SYTL3: variants seen among roughly 807,000 people sequenced by gnomAD.
The protein encoded by SYTL3 is synaptotagmin-like protein 3.
A neutral mutation model predicts 82.1 loss-of-function variants in SYTL3; 88 were observed. The ratio of observed to expected loss-of-function variants is 1.07; its 90% CI spans 0.90 to 1.28. SYTL3 has a LOEUF of 1.28. Ranked by LOEUF, SYTL3 falls within the 50% of genes most tolerant of loss-of-function variation. The pLI, the probability that SYTL3 is intolerant of heterozygous loss-of-function variation, is 0.00. For missense variants in SYTL3, 831 were observed against 757.6 expected (o/e 1.10, Z -1.14); for synonymous variants, 311 against 289.4 (o/e 1.07, Z -0.76).
At chr6:158,692,660 G>A (rs1331426438) in intron 6 of SYTL3, among the ~76,000 whole-genome samples, 2 of 151,766 alleles carry the variant, frequency 1.3e-5, no homozygotes, top group Non-Finnish European at 2.9e-5. Context: ...GTGCCAGGCC[G>A]GGCGCGGTGG....
intron 9 of SYTL3, 124 bp from the exon 10 acceptor site, chr6:158,717,963 C>A: frequency 1.2e-6 from 1 of 847,744 alleles, no homozygotes; most frequent in Non-Finnish European, 1.7e-6. Flanking sequence ...CTCCTCCGTG[C>A]ACTTTGCCCT....
chr6:158,732,471 C>G lies in SYTL3; in HGVS notation c.855+6834C>G, dbSNP rs116501881. On this transcript the variant is annotated intron_variant, in intron 11 of 17. Transcript: ENST00000611299. ...CGGTAGGCCAGAGGCCCAGCTTGTC[C>G]CCTTTCCACTCGGACAGTCCTCTAA... 9.0e-3 allele frequency among the ~76,000 whole-genome samples: 1,368 copies of G among 152,348 alleles called. 13 individuals carry two copies. Among genetic ancestry groups the G allele is most frequent in the African/African-American group, 0.03 (1,262 of 41,580 alleles).
intron 6 of SYTL3, among the ~76,000 whole-genome samples, chr6:158,686,997 A>G (rs1461871877): frequency 6.6e-6 from 1 of 152,178 alleles, no homozygotes; most frequent in Non-Finnish European, 1.5e-5. Flanking sequence ...TTTTGTTGTC[A>G]TGGTACCGGC....
intron 2 of SYTL3, among the ~76,000 whole-genome samples, chr6:158,652,615 G>C (rs1788164066): frequency 6.6e-6 from 1 of 152,068 alleles, no homozygotes; most frequent in South Asian, 2.1e-4. Context: ...CGCGATCTCA[G>C]CTCACTGCAA....
chr6:158,703,976 C>T (rs976866055), intron 6 of SYTL3, among the ~76,000 whole-genome samples: 1 of 151,698 alleles, frequency 6.6e-6, no homozygotes, highest in African/African-American at 2.4e-5. Flanking sequence ...CGTGTGACCT[C>T]ATGCCCGGCT....
intron 4 of SYTL3, among the ~76,000 whole-genome samples, chr6:158,665,099 G>A (rs1218875986): frequency 3.3e-5 from 5 of 152,200 alleles, no homozygotes; most frequent in African/African-American, 1.2e-4. Flanking sequence ...AGGAAGGGAT[G>A]GACCTAGCAG....
chr6:158,702,706 T>C (rs1267279186), intron 6 of SYTL3, among the ~76,000 whole-genome samples: 2 of 151,998 alleles, frequency 1.3e-5, no homozygotes, highest in Non-Finnish European at 2.9e-5. Context: ...TTTGGTCTTG[T>C]CCCCACCCGC....
At chr6:158,691,893 G>A (rs200659544) in intron 6 of SYTL3, among the ~76,000 whole-genome samples, 2 of 149,664 alleles carry the variant, frequency 1.3e-5, no homozygotes, top group Admixed American at 6.7e-5. Flanking sequence ...CCTCGTGATC[G>A]GCCCGCCTCG....
chr6:158,723,487 T>C (rs1326782629), intron 10 of SYTL3, among the ~76,000 whole-genome samples: 3 of 152,170 alleles, frequency 2.0e-5, no homozygotes, highest in Admixed American at 1.3e-4. Flanking sequence ...TCCAGCACTC[T>C]TGCCAACATT....
intron 14 of SYTL3, among the ~76,000 whole-genome samples, chr6:158,759,128 G>T (rs879816662): frequency 4.0e-4 from 61 of 152,346 alleles, no homozygotes; most frequent in Admixed American, 1.4e-3. Context: ...AACAAGCACA[G>T]GGCTTGGCAT....
At chr6:158,663,622 G>A (rs1158450713) in intron 4 of SYTL3, 24 of 985,142 alleles carry the variant, frequency 2.4e-5, no homozygotes, top group Middle Eastern at 5.2e-4. Context: ...GGTGCCTTTG[G>A]GCGGTAAGTT....
chr6:158,750,468 A>G (rs1258321996), intron 12 of SYTL3, among the ~76,000 whole-genome samples: 2 of 152,198 alleles, frequency 1.3e-5, no homozygotes, highest in Admixed American at 6.5e-5. Context: ...TCAGTAACTT[A>G]AGAGTAAATG....
At chr6:158,679,224 G>C (rs1025556728) in intron 5 of SYTL3, among the ~76,000 whole-genome samples, 3 of 152,086 alleles carry the variant, frequency 2.0e-5, no homozygotes, top group African/African-American at 7.2e-5. Flanking sequence ...ACAAAACTTA[G>C]CCAGGCATGG....
intron 5 of SYTL3, among the ~76,000 whole-genome samples, chr6:158,673,194 C>T (rs1427215524): frequency 1.3e-5 from 2 of 152,172 alleles, no homozygotes; most frequent in Non-Finnish European, 2.9e-5. Context: ...TCTCGAAGTG[C>T]TAGGATTGCA....
chr6:158,747,912 A>G (rs997929154), intron 12 of SYTL3, among the ~76,000 whole-genome samples: 1 of 152,094 alleles, frequency 6.6e-6, no homozygotes, highest in Non-Finnish European at 1.5e-5. Context: ...TATCCATCCT[A>G]GCTGTAACTT....
upstream of SYTL3, among the ~76,000 whole-genome samples, chr6:158,645,834 T>C (rs572592232): frequency 6.6e-6 from 1 of 152,212 alleles, no homozygotes; most frequent in South Asian, 2.1e-4. Context: ...CTAATCTTAG[T>C]GATCTTTGGA....
intron 8 of SYTL3, among the ~76,000 whole-genome samples, chr6:158,712,795 A>G (rs1202232356): frequency 1.6e-5 from 2 of 128,744 alleles, no homozygotes; most frequent in South Asian, 2.4e-4. Context: ...GTCTCGCTCT[A>G]TTGCCCAGGC....
chr6:158,725,823 A>G, intron 11 of SYTL3, 186 bp downstream of exon 11: 1 of 826,138 alleles, frequency 1.2e-6, no homozygotes, highest in South Asian at 1.6e-5. Flanking sequence ...AAGTTGCGTT[A>G]TCCTCAGGCC....
intron 6 of SYTL3, among the ~76,000 whole-genome samples, chr6:158,690,808 A>G (rs1234033943): frequency 6.6e-6 from 1 of 152,092 alleles, no homozygotes; most frequent in Non-Finnish European, 1.5e-5. Flanking sequence ...GTTCATCTGT[A>G]GTACATTCGA....
Sources: gnomAD v4.1 joint callset for allele counts (sites outside exome capture counted in the v4.1 genomes callset) on GRCh38, gnomAD v4.1.1 for gene constraint, MANE v1.5 for transcripts, NCBI Gene and HGNC (gene_info 2026-07-23, HGNC 2026-07-21) for gene names.